COL18A1: variants seen among roughly 807,000 people sequenced by gnomAD.
The protein encoded by COL18A1 is collagen type XVIII alpha 1 chain.
A neutral mutation model predicts 168.0 loss-of-function variants in COL18A1; 133 were observed. That is an observed-to-expected ratio of 0.79 (90% CI 0.69 to 0.91). COL18A1 has a LOEUF of 0.91. Among genes scored for constraint, COL18A1 ranks in the 40% least tolerant of loss-of-function variants. The probability of loss-of-function intolerance (pLI) is 0.00; values close to 1 mark genes in which losing one functional copy is unlikely to be tolerated. For synonymous variants in COL18A1, 949 were observed against 809.0 expected, an observed-to-expected ratio of 1.17 and a Z score of -2.94; for missense variants, 2,126 against 1,925.4, an observed-to-expected ratio of 1.10 and a Z score of -1.95.
At chr21:45,493,378 C>T (rs1252754476) in intron 25 of COL18A1, 123 bp from the exon 26 acceptor site, 1 of 1,278,734 alleles carries the variant, frequency 7.8e-7, no homozygotes, top group Non-Finnish European at 1.1e-6. Context: ...TCCCTGTGGT[C>T]ACCTCCCGTG....
chr21:45,449,654 C>T (rs2034579103), intron 2 of COL18A1, among the ~76,000 whole-genome samples: 1 of 152,184 alleles, frequency 6.6e-6, no homozygotes, highest in Admixed American at 6.5e-5. Flanking sequence ...CACACTCCCT[C>T]TGCTACCGTA....
intron 18 of COL18A1, 82 bp from the exon 19 acceptor site, chr21:45,489,404 C>T: frequency 2.9e-6 from 3 of 1,051,892 alleles, no homozygotes; most frequent in Non-Finnish European, 4.3e-6. Context: ...GGTAACTCAC[C>T]CTTCCCTTCA....
At position 45,454,048 on chromosome 21, in the gene COL18A1, CACA is replaced by C. The variant is rs1330721355; in HGVS notation, c.107-14193_107-14191del. 2.6e-5 allele frequency among the ~76,000 whole-genome samples: 4 copies of C among 152,310 alleles called. No homozygotes were observed. In the East Asian group the frequency reaches 7.7e-4, roughly 29 times the overall value. On this transcript the variant is annotated intron_variant, in intron 2 of 41. Coordinates refer to ENST00000651438, the MANE Select transcript of COL18A1 (RefSeq NM_001379500.1). ...CCGGAGGCGTGTTCAGACATAAAAT[CACA>C]GCAGCAGCAGTCAGTTTTCAAGCAA...
intron 21 of COL18A1, 115 bp downstream of exon 21, chr21:45,490,986 A>G: frequency 9.4e-7 from 1 of 1,068,542 alleles, no homozygotes; most frequent in Non-Finnish European, 1.4e-6. Flanking sequence ...TCAGAGACTC[A>G]GGGCAAAGAC....
rs528226421 is a variant in COL18A1 at position 45,498,298 on chromosome 21, C to T, written c.2683+637C>T. ...CTCGGGCGCCTTTCACCACCAGGGT[C>T]CCCTCTCGCCGCCACGGTCCCCTCT... On this transcript the variant is annotated intron_variant, in intron 32 of 41. Transcript: ENST00000651438. The surrounding 1 kb of genome is among the most constrained non-coding windows in gnomAD (Gnocchi z 4.5). 1 of 706,066 alleles carries T rather than the reference C, an allele frequency of 1.4e-6. No homozygotes were observed. Among genetic ancestry groups the T allele is most frequent in the Non-Finnish European group, 2.6e-6 (1 of 384,170 alleles). The allele number at this position is 706,066 out of a possible 1,614,324, so 43.7% of individuals were successfully genotyped here.
rs762591091 is a variant in COL18A1 at position 45,456,002 on chromosome 21, T to C, written c.107-12240T>C. ...GGGCCCCCTTGCCCTCGCTGGGCCT[T>C]CCAGCACCCCCCAGGAGAATGGGAC... On this transcript the variant is annotated intron_variant, in intron 2 of 41. Transcript: ENST00000651438. The C allele has an allele frequency of 2.8e-5, 45 of 1,612,730 alleles. 1 individual carries two copies. The South Asian group carries it at 4.7e-4, about 17-fold the overall frequency.
chr21:45,492,026 A>G (rs897684160), intron 22 of COL18A1, among the ~76,000 whole-genome samples: 7 of 152,120 alleles, frequency 4.6e-5, no homozygotes, highest in Middle Eastern at 3.2e-3. Context: ...TGGACAAGTT[A>G]CCTAACCCTT....
At chr21:45,483,680 T>TG (rs57925847) in intron 15 of COL18A1, among the ~76,000 whole-genome samples, 47,568 of 151,916 alleles carry the variant, frequency 0.31, 7,580 homozygotes, top group African/African-American at 0.38. Context: ...CTCCTCACCT[T>TG]GGCTGGACGG....
At position 45,473,658 on chromosome 21, in the gene COL18A1, G is replaced by A. The variant is rs1330975816; in HGVS notation, c.652-237G>A. On this transcript the variant is annotated intron_variant, in intron 3 of 41. Coordinates refer to ENST00000651438, the MANE Select transcript of COL18A1 (RefSeq NM_001379500.1). This position sits in a 1 kb window ranked among gnomAD's most constrained non-coding sequence, Gnocchi z 4.0. ...CCTCAGATGAGCCAAGTCTGAGGGA[G>A]CAGCCTCCGCCCAGCCGGGTGCTTT... is the stretch of plus-strand genomic sequence containing the variant. Among the ~76,000 whole-genome samples the A allele has an allele frequency of 6.6e-6, 1 of 152,168 alleles. No homozygotes were observed. Among genetic ancestry groups the A allele is most frequent in the African/African-American group, 2.4e-5 (1 of 41,424 alleles).
chr21:45,497,050 G>A lies in COL18A1; in HGVS notation c.2578G>A (p.Val860Met). 1.2e-6 allele frequency: 2 copies of A among 1,603,318 alleles called. No individual in the cohort carries two copies. The highest frequency in any genetic ancestry group is 8.5e-7 in the Non-Finnish European group (1 of 1,174,444). ...PPGTPVYDSN[V>M]FAESSRPGPP... Reference sequence around the variant, plus strand: ...AGCCGCCTCTCCCCGTTCCTTGCAGGTGTTTGCTGAGTCCAGCCGCCCCGG... The same window carrying A: ...AGCCGCCTCTCCCCGTTCCTTGCAGATGTTTGCTGAGTCCAGCCGCCCCGG... The change falls in exon 31 of 42, where the codon GTG (valine) becomes ATG (methionine). Residue 860 changes from valine (V) to methionine (M), a missense_variant and splice_region_variant. Physicochemically the swap from Val to Met is conservative, Grantham distance 21 (BLOSUM62 1). Coordinates refer to ENST00000651438, the MANE Select transcript of COL18A1 (RefSeq NM_001379500.1).
In COL18A1 at chr21:45,477,897, G is replaced by A. The variant is rs1348992994; in HGVS notation, c.1153G>A (p.Val385Ile). The A allele has an allele frequency of 1.3e-6, 2 of 1,564,756 alleles. No homozygotes were observed. The highest frequency in any genetic ancestry group is 1.7e-6 in the Non-Finnish European group (2 of 1,154,794). Reference sequence around the variant, plus strand: ...TCCTGCAGGCCCAGCGTTGCAAACTGTCCCCGGACCACAAGGACCCCCAGG... The same window carrying A: ...TCCTGCAGGCCCAGCGTTGCAAACTATCCCCGGACCACAAGGACCCCCAGG... ...LGPAGPALQT[V>I]PGPQGPPGPP... The change falls in exon 8 of 42, where the codon GTC becomes ATC. Residue 385 changes from valine to isoleucine, a missense_variant. By Grantham distance (29) the Val-to-Ile change is conservative. Transcript: ENST00000651438.
chr21:45,493,674 C>A, intron 26 of COL18A1, 99 bp downstream of exon 26: 1 of 862,062 alleles, frequency 1.2e-6, no homozygotes. Context: ...TCCTGATGCA[C>A]GAGCCTCTCC....
chr21:45,441,127 C>T (rs1431932769), intron 2 of COL18A1, among the ~76,000 whole-genome samples: 1 of 152,148 alleles, frequency 6.6e-6, no homozygotes, highest in Non-Finnish European at 1.5e-5. Context: ...TCCCATCTCC[C>T]CACTATGGGC....
chr21:45,489,720 CCAGGTT>C (rs1178656477), intron 19 of COL18A1, among the ~76,000 whole-genome samples, 199 bp downstream of exon 19: 4 of 152,048 alleles, frequency 2.6e-5, no homozygotes, highest in South Asian at 4.1e-4. Flanking sequence ...CAGGGCACCC[CCAGGTT>C]TGACTGCGTC....
At chr21:45,509,687 T>C in intron 39 of COL18A1, 86 bp downstream of exon 39, 1 of 820,460 alleles carries the variant, frequency 1.2e-6, no homozygotes, top group Non-Finnish European at 2.0e-6. Flanking sequence ...GCAGAGCTGC[T>C]GGGGGTCCCA....
rs1229045138 is a variant in COL18A1 at position 45,498,155 on chromosome 21, C to T, written c.2683+494C>T. The T allele has an allele frequency of 6.0e-6, 4 of 663,494 alleles. No individual in the cohort carries two copies. The Admixed American group carries it at 6.5e-5, about 11-fold the overall frequency. The allele number at this position is 663,494 out of a possible 1,614,324, so 41.1% of individuals were successfully genotyped here. Reference sequence around the variant, plus strand: ...TGAGCCCCACCTCCATTGAGGGTGGCAGGGCTGCTTGGATGTCCTGCCAAG... The same window carrying T: ...TGAGCCCCACCTCCATTGAGGGTGGTAGGGCTGCTTGGATGTCCTGCCAAG... On this transcript the variant is annotated intron_variant, in intron 32 of 41. Coordinates refer to ENST00000651438, the MANE Select transcript of COL18A1 (RefSeq NM_001379500.1). The surrounding 1 kb of genome is among the most constrained non-coding windows in gnomAD (Gnocchi z 4.5).
At chr21:45,438,723 C>T (rs1246321447) in intron 2 of COL18A1, among the ~76,000 whole-genome samples, 1 of 152,234 alleles carries the variant, frequency 6.6e-6, no homozygotes, top group Non-Finnish European at 1.5e-5. Context: ...TGCAGGGTGC[C>T]AGGGCCACGC....
intron 2 of COL18A1, chr21:45,467,120 C>T (rs749970921): frequency 1.0e-5 from 6 of 598,196 alleles, no homozygotes; most frequent in African/African-American, 2.0e-5. Context: ...CTGCAAAGCC[C>T]GGGCTCTGCC....
intron 7 of COL18A1, 35 bp from the exon 8 acceptor site, chr21:45,477,715 C>T: frequency 2.0e-6 from 3 of 1,507,832 alleles, no homozygotes; most frequent in Non-Finnish European, 2.7e-6. Context: ...TGGGGCCCCA[C>T]CCCAGCCCGA....
Sources: gnomAD v4.1 joint callset for allele counts (sites outside exome capture counted in the v4.1 genomes callset) on GRCh38, gnomAD v4.1.1 for gene constraint, Gnocchi (gnomAD v3.1) non-coding constraint, MANE v1.5 for transcripts, NCBI Gene and HGNC (gene_info 2026-07-23, HGNC 2026-07-21) for gene names.